Variants in MARK3 observed in about 807,000 individuals in gnomAD.
The protein encoded by MARK3 is microtubule affinity regulating kinase 3.
In MARK3, 46 loss-of-function variants were observed where a neutral mutation model predicts 90.1. The observed-to-expected ratio is 0.51, with a 90% confidence interval of 0.40 to 0.65. The LOEUF (loss-of-function observed/expected upper bound fraction) is 0.65, where lower values mean the gene tolerates loss of function less well. MARK3 is among the 30% of genes least tolerant of loss of function. MARK3 has a pLI of 0.00. For missense variants in MARK3, 818 were observed against 947.2 expected, an observed-to-expected ratio of 0.86 and a Z score of 1.79; for synonymous variants, 321 against 332.6, an observed-to-expected ratio of 0.97 and a Z score of 0.38.
rs1405253615 is a variant in MARK3 at position 103,385,902 on chromosome 14, A to G, written c.-128A>G. The G allele has an allele frequency of 1.4e-6, 1 of 704,238 alleles. No homozygotes were observed. Among genetic ancestry groups the G allele is most frequent in the Non-Finnish European group, 2.6e-6 (1 of 391,658 alleles). The allele number at this position is 704,238 out of a possible 1,614,324, so 43.6% of individuals were successfully genotyped here. A position where few individuals can be genotyped will look rare whatever the true frequency, so the allele number is the denominator to read the frequency against. On this transcript the variant is annotated 5_prime_UTR_variant, in exon 1 of 18. Transcript: ENST00000429436. The stretch of plus-strand genomic sequence containing the variant: ...CCGGGATCTAGACGGCCGTAGGGGG[A>G]AGGGAGCCGCCCTCCCCACGGCGCC...
chr14:103,478,164 G>A (rs1327067815), intron 13 of MARK3, among the ~76,000 whole-genome samples: 3 of 151,658 alleles, frequency 2.0e-5, no homozygotes, highest in African/African-American at 7.3e-5. Context: ...GCATGGTGGC[G>A]GGCACCTGTA....
Position 103,503,047 on chromosome 14 carries a change from G to C in MARK3, c.2082G>C (p.Glu694Asp). The C allele has an allele frequency of 6.2e-7, 1 of 1,614,240 alleles. No individual in the cohort carries two copies. The highest frequency in any genetic ancestry group is 8.5e-7 in the Non-Finnish European group (1 of 1,180,046). ...ATAACTGCGACTATGAGCAGAGGGAGCGCTTCTTGCTCTTCTGCGTCCACG... is the reference window on the plus strand; with the variant it reads ...ATAACTGCGACTATGAGCAGAGGGACCGCTTCTTGCTCTTCTGCGTCCACG... ...DANNCDYEQR[E>D]RFLLFCVHGD... The change falls in exon 18 of 18, where the codon GAG (glutamate) becomes GAC (aspartate). Residue 694 changes from glutamate to aspartate, a missense_variant. This residue lies in a region of MARK3 where 560 missense variants were observed against 613.5 expected (regional missense o/e 0.91). Coordinates refer to ENST00000429436, the MANE Select transcript of MARK3 (RefSeq NM_001128918.3).
Position 103,500,191 on chromosome 14 carries a change from A to T in MARK3, c.1907A>T (p.Glu636Val), listed in dbSNP as rs771489646. 1 of 1,605,390 alleles carries T rather than the reference A, an allele frequency of 6.2e-7. No homozygotes were observed. Among genetic ancestry groups the T allele is most frequent in the Non-Finnish European group, 8.5e-7 (1 of 1,177,108 alleles). The change falls in exon 17 of 18, where the codon GAG becomes GTG. Residue 636 changes from glutamate (E) to valine (V), a missense_variant. Around this residue, in one of 3 missense-constraint regions of MARK3, gnomAD observed 560 missense variants for 613.5 expected, o/e 0.91. Coordinates refer to ENST00000429436, the MANE Select transcript of MARK3 (RefSeq NM_001128918.3). ...PTEYERNGRY[E>V]GSSRNVSAEQ... ...GAATATGAGAGGAACGGGAGATATG[A>T]GGGCTCAAGGTGAGGGAAATGATTT...
rs548744767 is a variant in MARK3, at chr14:103,475,226, C to T, written c.1482+16C>T. ...TGTCCCTAGTGTAAGTGTTGTTGAACTATAGAGTGGTCTTAGGGTGGTAGG... is the reference window on the plus strand; with the variant it reads ...TGTCCCTAGTGTAAGTGTTGTTGAATTATAGAGTGGTCTTAGGGTGGTAGG... On this transcript the variant is annotated intron_variant, in intron 13 of 17. Transcript: ENST00000429436. The T allele has an allele frequency of 1.2e-6, 2 of 1,609,776 alleles. No individual in the cohort carries two copies. The highest frequency in any genetic ancestry group is 2.2e-5 in the East Asian group (1 of 44,858).
intron 3 of MARK3, among the ~76,000 whole-genome samples, chr14:103,444,999 A>G (rs1210646585): frequency 1.3e-5 from 2 of 152,168 alleles, no homozygotes; most frequent in Non-Finnish European, 2.9e-5. Flanking sequence ...GCAAATTGTC[A>G]ACTTCGTAAA....
At chr14:103,432,847 C>T (rs1034948541) in intron 3 of MARK3, among the ~76,000 whole-genome samples, 2 of 152,006 alleles carry the variant, frequency 1.3e-5, no homozygotes, top group African/African-American at 4.8e-5. Flanking sequence ...CAGAGCAAGA[C>T]CCTGTCTCAA....
chr14:103,489,557 A>G (rs2093983514), intron 14 of MARK3: 3 of 152,488 alleles, frequency 2.0e-5, no homozygotes, highest in Admixed American at 2.0e-4. Flanking sequence ...GCGAGGCTCT[A>G]TACTGAGGCC....
At chr14:103,477,056 C>G (rs530500435) in intron 13 of MARK3, among the ~76,000 whole-genome samples, 1 of 152,278 alleles carries the variant, frequency 6.6e-6, no homozygotes, top group South Asian at 2.1e-4. Flanking sequence ...TCCACCCATA[C>G]TAAATTACTT....
At chr14:103,452,471 C>CTTTTTTTTTTTTTTTTTGTTTTTT in intron 5 of MARK3, among the ~76,000 whole-genome samples, 1 of 97,472 alleles carries the variant, frequency 1.0e-5, no homozygotes, top group Non-Finnish European at 2.2e-5. Flanking sequence ...CAGGATTTGT[C>CTTTTTTTTTTTTTTTTTGTTTTTT]TTTTTTTTTT....
intron 1 of MARK3, among the ~76,000 whole-genome samples, chr14:103,403,676 C>T (rs1348834582): frequency 6.6e-6 from 1 of 152,184 alleles, no homozygotes; most frequent in African/African-American, 2.4e-5. Context: ...TAATAATTTG[C>T]ATTACAACAG....
intron 3 of MARK3, among the ~76,000 whole-genome samples, chr14:103,447,468 T>C (rs1323733743): frequency 1.3e-5 from 2 of 152,170 alleles, no homozygotes; most frequent in Non-Finnish European, 1.5e-5. Context: ...TTCCAAGGTT[T>C]TTCCCCGCTT....
At chr14:103,453,715 C>G (rs888772116) in intron 5 of MARK3, among the ~76,000 whole-genome samples, 2 of 152,190 alleles carry the variant, frequency 1.3e-5, no homozygotes, top group African/African-American at 4.8e-5. Context: ...TGTGGGCAAA[C>G]AACACAGAGT....
At chr14:103,470,851 A>G (rs916869687) in intron 12 of MARK3, among the ~76,000 whole-genome samples, 1 of 152,180 alleles carries the variant, frequency 6.6e-6, no homozygotes, top group Non-Finnish European at 1.5e-5. Context: ...AGGTGTGGAC[A>G]GCTTTGATTT....
intron 13 of MARK3, among the ~76,000 whole-genome samples, chr14:103,476,839 C>T (rs988230151): frequency 6.6e-6 from 1 of 152,102 alleles, no homozygotes; most frequent in Non-Finnish European, 1.5e-5. Flanking sequence ...CGAAGTAAAC[C>T]CTGTGTGAAA....
At chr14:103,481,719 G>T (rs1386661087) in intron 14 of MARK3, among the ~76,000 whole-genome samples, 1 of 148,220 alleles carries the variant, frequency 6.7e-6, no homozygotes, top group Non-Finnish European at 1.5e-5. Context: ...TAGCAGCTGG[G>T]GTAGATAGTT....
chr14:103,414,786 T>A (rs1201553060), intron 2 of MARK3, among the ~76,000 whole-genome samples: 1 of 151,608 alleles, frequency 6.6e-6, no homozygotes, highest in Non-Finnish European at 1.5e-5. Context: ...AAGAAGGGAG[T>A]AGGGACAATC....
chr14:103,410,924 T>C (rs2091591309), intron 2 of MARK3, among the ~76,000 whole-genome samples: 1 of 152,220 alleles, frequency 6.6e-6, no homozygotes, highest in Non-Finnish European at 1.5e-5. Context: ...ATTTAATCTT[T>C]TTCTTTATTA....
intron 4 of MARK3, among the ~76,000 whole-genome samples, 185 bp downstream of exon 4, chr14:103,449,152 T>C (rs1186022266): frequency 6.6e-6 from 1 of 151,874 alleles, no homozygotes; most frequent in Non-Finnish European, 1.5e-5. Flanking sequence ...GTATTAAACG[T>C]TGAATTTAAA....
chr14:103,466,083 A>G lies in MARK3; in HGVS notation c.889A>G (p.Thr297Ala). Residue 297 changes from threonine (T) to alanine (A), a missense_variant, in exon 9 of 18, where the codon ACT becomes GCT. By Grantham distance (58) the Thr-to-Ala change is moderately conservative. Transcript: ENST00000429436. ...GGTGCTAAATCCAATTAAACGCGGC[A>G]CTCTAGAGGTAATCATGTAGGTGGA... ...FLVLNPIKRG[T>A]LEQIMKDRWI... is the part of the protein sequence containing the mutation. The G allele has an allele frequency of 1.2e-6, 2 of 1,613,470 alleles. No homozygotes were observed. Among genetic ancestry groups the G allele is most frequent in the Non-Finnish European group, 8.5e-7 (1 of 1,179,872 alleles).
Sources: gnomAD v4.1 joint callset for allele counts (sites outside exome capture counted in the v4.1 genomes callset) on GRCh38, gnomAD v4.1.1 for gene constraint, gnomAD v4.1.1 regional missense constraint, MANE v1.5 for transcripts, NCBI Gene and HGNC (gene_info 2026-07-23, HGNC 2026-07-21) for gene names.